Variants in ZC3H12C observed in about 807,000 individuals in gnomAD.
ZC3H12C encodes zinc finger CCCH-type containing 12C, also known as probable ribonuclease ZC3H12C.
In ZC3H12C, 20 loss-of-function variants were observed where a neutral mutation model predicts 76.3. The ratio of observed to expected loss-of-function variants is 0.26; its 90% CI spans 0.18 to 0.38. The LOEUF (loss-of-function observed/expected upper bound fraction) is 0.38. Ranked by LOEUF, ZC3H12C falls within the 10% of genes least tolerant of loss-of-function variation. ZC3H12C has a pLI of 1.00. For missense variants in ZC3H12C, 874 were observed against 1,086.5 expected, an observed-to-expected ratio of 0.80 and a Z score of 2.75; for synonymous variants, 352 against 399.6, an observed-to-expected ratio of 0.88 and a Z score of 1.42.
chr11:110,118,779 A>G (rs1347140041), intron 1 of ZC3H12C, among the ~76,000 whole-genome samples: 1 of 152,224 alleles, frequency 6.6e-6, no homozygotes, highest in Non-Finnish European at 1.5e-5. Context: ...CCTGGGTGGC[A>G]AAGTGAGACC....
chr11:110,153,011 T>C lies in ZC3H12C; in HGVS notation c.866T>C (p.Val289Ala). 6.2e-7 allele frequency: 1 copy of C among 1,612,042 alleles called. No individual in the cohort carries two copies. The highest frequency in any genetic ancestry group is 8.5e-7 in the Non-Finnish European group (1 of 1,179,048). ...GGCCACAAAGACATTACAGTTTTTG[T>C]TCCTGCTTGGAGGAAAGAGCAATCC... is the stretch of plus-strand genomic sequence containing the variant. ...ERGHKDITVF[V>A]PAWRKEQSRP... Residue 289 changes from valine (V) to alanine (A), a missense_variant, in exon 3 of 6, where the codon GTT (valine) becomes GCT (alanine). This residue lies in a region of ZC3H12C where 269 missense variants were observed against 424.9 expected (regional missense o/e 0.63). Coordinates refer to ENST00000278590, the MANE Select transcript of ZC3H12C (RefSeq NM_033390.2).
chr11:110,129,691 G>A (rs1423708064), intron 1 of ZC3H12C, among the ~76,000 whole-genome samples: 1 of 152,112 alleles, frequency 6.6e-6, no homozygotes, highest in Non-Finnish European at 1.5e-5. Flanking sequence ...AATTTGCACT[G>A]GAATGAAAAG....
intron 1 of ZC3H12C, among the ~76,000 whole-genome samples, chr11:110,127,628 C>T (rs972058555): frequency 2.6e-5 from 4 of 152,072 alleles, no homozygotes; most frequent in Non-Finnish European, 5.9e-5. Context: ...GGTGTGGTGG[C>T]TCATGCCTGT....
At chr11:110,159,184 A>C in intron 3 of ZC3H12C, 72 bp from the exon 4 acceptor site, 1 of 1,175,204 alleles carries the variant, frequency 8.5e-7, no homozygotes, top group Non-Finnish European at 1.2e-6. Flanking sequence ...AGAGTTTCAC[A>C]TTGTATGAAA....
intron 1 of ZC3H12C, among the ~76,000 whole-genome samples, chr11:110,093,898 T>A (rs1452343553): frequency 6.6e-6 from 1 of 151,946 alleles, no homozygotes; most frequent in Middle Eastern, 3.2e-3. Context: ...GGCCATTCGC[T>A]TAACTATCCA....
At chr11:110,118,727 G>A (rs1591465863) in intron 1 of ZC3H12C, among the ~76,000 whole-genome samples, 1 of 152,118 alleles carries the variant, frequency 6.6e-6, no homozygotes, top group African/African-American at 2.4e-5. Flanking sequence ...AACCTGGGAG[G>A]TGGAGTTTGC....
chr11:110,141,844 G>T (rs1425275373), intron 2 of ZC3H12C, among the ~76,000 whole-genome samples: 1 of 152,132 alleles, frequency 6.6e-6, no homozygotes, highest in African/African-American at 2.4e-5. Context: ...GATATATTGA[G>T]TTAAATGAAA....
intron 2 of ZC3H12C, among the ~76,000 whole-genome samples, chr11:110,139,351 G>T (rs1446590437): frequency 6.6e-6 from 1 of 152,210 alleles, no homozygotes; most frequent in Non-Finnish European, 1.5e-5. Flanking sequence ...GATCTTACTA[G>T]AGAATTTAAA....
In ZC3H12C at chr11:110,165,122, T is replaced by C; in HGVS notation, c.2037T>C (p.Asn679=). Residue 679 remains asparagine (N), a synonymous_variant, in exon 6 of 6, where the codon AAT becomes AAC. Coordinates refer to ENST00000278590, the MANE Select transcript of ZC3H12C (RefSeq NM_033390.2). ...SRLNPQPFLQ[N]FHDPLTRGQS... is the part of the protein sequence containing the mutation. ...TTAATCCTCAACCGTTCCTGCAGAATTTCCACGACCCCTTAACCAGAGGGC... is the reference window on the plus strand; with the variant it reads ...TTAATCCTCAACCGTTCCTGCAGAACTTCCACGACCCCTTAACCAGAGGGC... 1 of 1,613,798 alleles carries C rather than the reference T, an allele frequency of 6.2e-7. No individual in the cohort carries two copies.
At chr11:110,157,346 ACAGACT>A (rs1862397199) in intron 3 of ZC3H12C, among the ~76,000 whole-genome samples, 2 of 152,078 alleles carry the variant, frequency 1.3e-5, no homozygotes, top group Non-Finnish European at 2.9e-5. Flanking sequence ...ACATGAAGAA[ACAGACT>A]CAACAAGATT....
chr11:110,138,820 A>G (rs1862018218), intron 2 of ZC3H12C, among the ~76,000 whole-genome samples: 1 of 152,154 alleles, frequency 6.6e-6, no homozygotes. Context: ...CGGCACCCCA[A>G]AGTGCTGGGA....
chr11:110,093,620 G>A (rs1429689207), intron 1 of ZC3H12C, among the ~76,000 whole-genome samples, 188 bp downstream of exon 1: 2 of 151,810 alleles, frequency 1.3e-5, no homozygotes, highest in East Asian at 2.0e-4. Context: ...ACCGAGCTCC[G>A]GTCGCTCAGG....
chr11:110,157,431 T>C (rs1313123757), intron 3 of ZC3H12C, among the ~76,000 whole-genome samples: 1 of 126,772 alleles, frequency 7.9e-6, no homozygotes, highest in Non-Finnish European at 1.6e-5. Flanking sequence ...AGGTCTGGTC[T>C]TTTTTTTTTT....
At chr11:110,110,710 C>T (rs966172101) in intron 1 of ZC3H12C, among the ~76,000 whole-genome samples, 1 of 71,840 alleles carries the variant, frequency 1.4e-5, no homozygotes. Context: ...AGTGTTCTGT[C>T]ACTTCTGAGT....
At chr11:110,154,369 C>A (rs1236147972) in intron 3 of ZC3H12C, among the ~76,000 whole-genome samples, 73 of 141,116 alleles carry the variant, frequency 5.2e-4, no homozygotes, top group African/African-American at 4.8e-4. Context: ...GACCCCATCT[C>A]AAAAAAAAAA....
intron 1 of ZC3H12C, among the ~76,000 whole-genome samples, chr11:110,095,946 A>G (rs1431206370): frequency 2.0e-5 from 3 of 152,264 alleles, no homozygotes; most frequent in Non-Finnish European, 4.4e-5. Context: ...TAATTCAATC[A>G]GGATTCCAAA....
chr11:110,150,954 C>T lies in ZC3H12C; in HGVS notation c.774-1965C>T, dbSNP rs554814786. Among the ~76,000 whole-genome samples the T allele has an allele frequency of 2.1e-4, 32 of 152,210 alleles. No homozygotes were observed. In the South Asian group the frequency reaches 2.7e-3, roughly 13 times the overall value. On this transcript the variant is annotated intron_variant, in intron 2 of 5. Transcript: ENST00000278590. ...CTAGCATAGCAATTAGGGATGTTTTCGGCTGCAAATAACAGAAAACTTGAC... is the reference window on the plus strand; with the variant it reads ...CTAGCATAGCAATTAGGGATGTTTTTGGCTGCAAATAACAGAAAACTTGAC...
intron 1 of ZC3H12C, among the ~76,000 whole-genome samples, chr11:110,100,683 G>A (rs567776696): frequency 1.8e-4 from 28 of 152,258 alleles, no homozygotes; most frequent in African/African-American, 6.7e-4. Flanking sequence ...GGTGCCAATA[G>A]AAGATGGTAA....
chr11:110,159,412 G>A lies in ZC3H12C; in HGVS notation c.1070G>A (p.Arg357Lys). Residue 357 changes from arginine (R) to lysine (K), a missense_variant, in exon 4 of 6, where the codon AGG becomes AAG. Coordinates refer to ENST00000278590, the MANE Select transcript of ZC3H12C (RefSeq NM_033390.2). ...ATCATTGTGTCCAATGATAACTACA[G>A]GGACTTGGCTAATGAGAAGCCAGAA... ...DGIIVSNDNY[R>K]DLANEKPEWK... The A allele has an allele frequency of 1.2e-6, 2 of 1,613,906 alleles. No homozygotes were observed. The highest frequency in any genetic ancestry group is 1.7e-6 in the Non-Finnish European group (2 of 1,179,876).
Sources: gnomAD v4.1 joint callset for allele counts (sites outside exome capture counted in the v4.1 genomes callset) on GRCh38, gnomAD v4.1.1 for gene constraint, gnomAD v4.1.1 regional missense constraint, MANE v1.5 for transcripts, NCBI Gene and HGNC (gene_info 2026-07-23, HGNC 2026-07-21) for gene names.